Variants in RNLS observed in about 807,000 individuals in gnomAD.
RNLS encodes renalase.
Under a neutral mutation model 39.8 loss-of-function variants are expected in RNLS, and 39 were observed. The observed-to-expected ratio is 0.98, with a 90% CI of 0.76 to 1.28. The LOEUF is 1.28. Among genes scored for constraint, RNLS ranks in the 50% most tolerant of loss-of-function variants. The pLI is 0.00. For synonymous variants in RNLS, 147 were observed against 150.7 expected, an observed-to-expected ratio of 0.98 and a Z score of 0.18; for missense variants, 410 against 413.3, an observed-to-expected ratio of 0.99 and a Z score of 0.07.
intron 6 of RNLS, among the ~76,000 whole-genome samples, chr10:88,277,113 T>G (rs1361966466): frequency 6.6e-6 from 1 of 152,202 alleles, no homozygotes; most frequent in African/African-American, 2.4e-5. Context: ...TAAGAAAATG[T>G]GGCACATATA....
intron 6 of RNLS, chr10:88,309,385 A>G (rs2133017702): frequency 7.8e-7 from 1 of 1,287,280 alleles, no homozygotes; most frequent in East Asian, 5.6e-5. Context: ...ACTATTACTC[A>G]CCAGAAATTA....
chr10:88,284,460 T>G lies in RNLS; in HGVS notation c.*894A>C, dbSNP rs763418196. 1.6e-4 allele frequency: 160 copies of G among 985,224 alleles called. No individual in the cohort carries two copies. Among genetic ancestry groups the G allele is most frequent in the Non-Finnish European group, 1.8e-4 (152 of 829,898 alleles). 61.0% of individuals were successfully genotyped at this position (985,224 alleles called of 1,614,324 possible). On this transcript the variant is annotated 3_prime_UTR_variant, in exon 7 of 7. Transcript: ENST00000331772. Reference sequence around the variant, plus strand: ...AGGTCACTGAAGCATGTGGGTGATATGCTGAACCACCAACTTGGCAAATAT... The same window carrying G: ...AGGTCACTGAAGCATGTGGGTGATAGGCTGAACCACCAACTTGGCAAATAT...
At chr10:88,498,243 G>T (rs1343619939) in intron 4 of RNLS, among the ~76,000 whole-genome samples, 2 of 151,554 alleles carry the variant, frequency 1.3e-5, no homozygotes, top group African/African-American at 4.8e-5. Context: ...TTAACATAAA[G>T]TACTGAGAAG....
At chr10:88,548,625 C>T (rs967587893) in intron 4 of RNLS, among the ~76,000 whole-genome samples, 5 of 141,896 alleles carry the variant, frequency 3.5e-5, no homozygotes, top group African/African-American at 8.0e-5. Context: ...GGTGACGAAG[C>T]GAGACTCTGT....
chr10:88,558,424 A>C (rs1848988085), intron 4 of RNLS, among the ~76,000 whole-genome samples: 1 of 150,540 alleles, frequency 6.6e-6, no homozygotes, highest in Non-Finnish European at 1.5e-5. Context: ...TATTGGAATT[A>C]TCATCATCTT....
chr10:88,294,584 C>T (rs1843934587), intron 6 of RNLS, among the ~76,000 whole-genome samples: 3 of 152,030 alleles, frequency 2.0e-5, no homozygotes, highest in African/African-American at 7.2e-5. Context: ...TGACGAAAAT[C>T]CAACAAAATG....
intron 4 of RNLS, among the ~76,000 whole-genome samples, chr10:88,451,915 A>G (rs901368381): frequency 1.3e-5 from 2 of 152,196 alleles, no homozygotes; most frequent in African/African-American, 4.8e-5. Flanking sequence ...TGGGCTTCAG[A>G]GTCAGGCTTT....
chr10:88,184,906 C>T, the RNLS span, among the ~76,000 whole-genome samples: 2 of 152,020 alleles, frequency 1.3e-5, no homozygotes, highest in South Asian at 2.1e-4. Context: ...GCTCAGAGGC[C>T]GTGGAGAACA....
the RNLS span, among the ~76,000 whole-genome samples, chr10:88,255,404 G>C: frequency 6.6e-6 from 1 of 152,180 alleles, no homozygotes; most frequent in African/African-American, 2.4e-5. Flanking sequence ...AGATCACAGA[G>C]GCATTTGAAG....
chr10:88,402,424 G>T (rs975501860), intron 4 of RNLS, among the ~76,000 whole-genome samples: 2 of 150,106 alleles, frequency 1.3e-5, no homozygotes, highest in Admixed American at 1.3e-4. Flanking sequence ...AGTGTATCAT[G>T]TCTCTGGAAA....
chr10:88,555,592 C>G (rs867158582), intron 4 of RNLS, among the ~76,000 whole-genome samples: 3 of 152,100 alleles, frequency 2.0e-5, no homozygotes, highest in Non-Finnish European at 2.9e-5. Flanking sequence ...GCTGCTGGTG[C>G]CATGCTTGTA....
At chr10:88,333,092 C>T (rs901249280) in intron 5 of RNLS, among the ~76,000 whole-genome samples, 11 of 152,046 alleles carry the variant, frequency 7.2e-5, no homozygotes, top group African/African-American at 2.7e-4. Flanking sequence ...TCAGTGCCTC[C>T]CACAGGAACC....
At chr10:88,274,483 A>G (rs1222359057) in exon 7 of RNLS, 1 of 154,342 alleles carries the variant, frequency 6.5e-6, no homozygotes, top group Non-Finnish European at 1.4e-5. Context: ...ACTTTGCATA[A>G]TGACTTTAAG....
At chr10:88,236,353 A>C in the RNLS span, among the ~76,000 whole-genome samples, 1 of 152,330 alleles carries the variant, frequency 6.6e-6, no homozygotes, top group Non-Finnish European at 1.5e-5. Context: ...GGCCTAAGAA[A>C]CCATTTCCTG....
Position 88,520,566 on chromosome 10 carries a change from T to C in RNLS, c.526+52337A>G, listed in dbSNP as rs180923774. 2.7e-4 allele frequency among the ~76,000 whole-genome samples: 41 copies of C among 152,170 alleles called. No individual in the cohort carries two copies. The East Asian group carries it at 7.7e-3, about 29-fold the overall frequency. ...CATATTAGTTAAGAAAAGAAATTGA[T>C]GATTGAGGTAGTAAGAGGCAGGTAA... On this transcript the variant is annotated intron_variant, in intron 4 of 6. Transcript: ENST00000331772.
intron 4 of RNLS, among the ~76,000 whole-genome samples, chr10:88,427,846 T>C (rs1428139883): frequency 1.3e-5 from 2 of 151,964 alleles, no homozygotes; most frequent in East Asian, 3.8e-4. Context: ...TGATCTCACT[T>C]CATATAGGAA....
At chr10:88,393,245 T>C (rs1191725160) in intron 4 of RNLS, among the ~76,000 whole-genome samples, 1 of 151,946 alleles carries the variant, frequency 6.6e-6, no homozygotes, top group Non-Finnish European at 1.5e-5. Flanking sequence ...AAAGAGGAAG[T>C]CAAATTGTCC....
At chr10:88,262,236 C>T in the RNLS span, among the ~76,000 whole-genome samples, 2 of 152,006 alleles carry the variant, frequency 1.3e-5, no homozygotes, top group Non-Finnish European at 2.9e-5. Context: ...AACAGTGTGT[C>T]TTTAACAATG....
At chr10:88,227,421 TAAC>T in the RNLS span, among the ~76,000 whole-genome samples, 2 of 152,236 alleles carry the variant, frequency 1.3e-5, no homozygotes, top group African/African-American at 4.8e-5. Context: ...GCTTATCTAA[TAAC>T]AATATGCTAT....
Sources: gnomAD v4.1 joint callset for allele counts (sites outside exome capture counted in the v4.1 genomes callset) on GRCh38, gnomAD v4.1.1 for gene constraint, MANE v1.5 for transcripts, NCBI Gene and HGNC (gene_info 2026-07-23, HGNC 2026-07-21) for gene names.